Variants in RORA observed in about 807,000 individuals in gnomAD.
RORA encodes the protein nuclear receptor ROR-alpha.
Under a neutral mutation model 69.5 loss-of-function variants are expected in RORA, and 7 were observed. The observed-to-expected ratio is 0.10, with a 90% CI of 0.06 to 0.19. The LOEUF is 0.19. Among genes scored for constraint, RORA ranks in the 10% least tolerant of loss-of-function variants. RORA has a pLI of 1.00. For missense variants in RORA, 457 were observed against 663.0 expected, an observed-to-expected ratio of 0.69 and a Z score of 3.41; for synonymous variants, 261 against 240.8, an observed-to-expected ratio of 1.08 and a Z score of -0.78.
chr15:60,566,647 A>C (rs778720626), intron 2 of RORA, among the ~76,000 whole-genome samples: 2 of 152,230 alleles, frequency 1.3e-5, no homozygotes, highest in Non-Finnish European at 2.9e-5. Context: ...AGATCATAAT[A>C]ACAGAATATA....
intron 1 of RORA, among the ~76,000 whole-genome samples, chr15:61,191,552 A>G (rs2079800461): frequency 6.6e-6 from 1 of 152,190 alleles, no homozygotes; most frequent in South Asian, 2.1e-4. Context: ...CATTTTAGTC[A>G]AGCCCAGTGC....
At chr15:60,617,492 C>G (rs1232883310) in intron 2 of RORA, among the ~76,000 whole-genome samples, 1 of 152,128 alleles carries the variant, frequency 6.6e-6, no homozygotes, top group Non-Finnish European at 1.5e-5. Context: ...GGAGAACATC[C>G]TATCCATAGA....
chr15:60,749,760 G>A (rs2071697543), intron 1 of RORA, among the ~76,000 whole-genome samples: 1 of 152,128 alleles, frequency 6.6e-6, no homozygotes, highest in Non-Finnish European at 1.5e-5. Flanking sequence ...GGGTGCGGTG[G>A]CTCATACCTG....
intron 1 of RORA, among the ~76,000 whole-genome samples, chr15:60,748,776 G>A (rs1247549878): frequency 6.6e-6 from 1 of 152,162 alleles, no homozygotes; most frequent in Non-Finnish European, 1.5e-5. Context: ...TTGATAACGG[G>A]AAGTTGGGGT....
chr15:60,893,797 T>C (rs1446800395), intron 1 of RORA, among the ~76,000 whole-genome samples: 1 of 152,108 alleles, frequency 6.6e-6, no homozygotes, highest in African/African-American at 2.4e-5. Context: ...ATTTTAAAGC[T>C]GAAAGGATCT....
At position 61,213,355 on chromosome 15, in the gene RORA, A is replaced by C. The variant is rs554936053; in HGVS notation, c.166+15698T>G. Reference sequence around the variant, plus strand: ...ACTTGGTTCCTTGTCTCCCTCCCTAACTCCACATAAGTATATTTAAGTACC... The same window carrying C: ...ACTTGGTTCCTTGTCTCCCTCCCTACCTCCACATAAGTATATTTAAGTACC... On this transcript the variant is annotated intron_variant, in intron 1 of 10. Transcript: ENST00000335670. This position sits in a 1 kb window ranked among gnomAD's most constrained non-coding sequence, Gnocchi z 4.1. Among the ~76,000 whole-genome samples, 1 of 152,000 alleles carries C rather than the reference A, an allele frequency of 6.6e-6. No homozygotes were observed. The highest frequency in any genetic ancestry group is 2.4e-5 in the African/African-American group (1 of 41,456).
intron 1 of RORA, among the ~76,000 whole-genome samples, chr15:61,179,973 TA>T (rs965315089): frequency 2.2e-4 from 29 of 129,006 alleles, no homozygotes; most frequent in Admixed American, 3.1e-4. Context: ...CCGTTTCTAC[TA>T]AAAAAAAAAA....
Position 60,944,669 on chromosome 15 carries a change from G to A in RORA, c.167-265983C>T, listed in dbSNP as rs1378952287. Among the ~76,000 whole-genome samples the A allele has an allele frequency of 2.8e-5, 4 of 142,872 alleles. No homozygotes were observed. In the East Asian group the frequency reaches 8.3e-4, roughly 30 times the overall value. The allele number at this position is 142,872 out of a possible 152,430, so 93.7% of individuals were successfully genotyped here. ...GAGCAAAAGGGGCAGAGGTTGCAGT[G>A]AGCTGAGATCATACCACTGTACTCC... On this transcript the variant is annotated intron_variant, in intron 1 of 10. Coordinates refer to ENST00000335670, the MANE Select transcript of RORA (RefSeq NM_134261.3).
At chr15:61,012,304 T>C (rs564421671) in intron 1 of RORA, among the ~76,000 whole-genome samples, 19 of 152,348 alleles carry the variant, frequency 1.2e-4, no homozygotes, top group African/African-American at 4.6e-4. Context: ...TCCCAATTTG[T>C]TCCTATAGGG....
In RORA at chr15:60,501,083, A is replaced by C. The variant is rs369400526; in HGVS notation, c.1184-14T>G. ...AGTCTTCACAACCTGCCAAAATGAA[A>C]ACAAAGACAGTTTAGAATTTTGATT... On this transcript the variant is annotated splice_polypyrimidine_tract_variant and intron_variant, in intron 8 of 10. Transcript: ENST00000335670. The C allele has an allele frequency of 7.0e-7, 1 of 1,436,192 alleles. No individual in the cohort carries two copies. 89.0% of individuals were successfully genotyped at this position (1,436,192 alleles called of 1,614,324 possible). A position where few individuals can be genotyped will look rare whatever the true frequency, so the allele number is the denominator to read the frequency against.
chr15:60,495,958 C>T lies in RORA; in HGVS notation c.*1497G>A, dbSNP rs1354818936. ...TCTAAATATTTAATAAAATAAATTACAGTCCACAGTTTCCTAGTGAAGATA... is the reference window on the plus strand; with the variant it reads ...TCTAAATATTTAATAAAATAAATTATAGTCCACAGTTTCCTAGTGAAGATA... On this transcript the variant is annotated 3_prime_UTR_variant, in exon 11 of 11. Coordinates refer to ENST00000335670, the MANE Select transcript of RORA (RefSeq NM_134261.3). The T allele has an allele frequency of 6.6e-6, 1 of 151,420 alleles. No individual in the cohort carries two copies. The highest frequency in any genetic ancestry group is 1.5e-5 in the Non-Finnish European group (1 of 67,940). 9.4% of individuals were successfully genotyped at this position (151,420 alleles called of 1,614,324 possible). A position where few individuals can be genotyped will look rare whatever the true frequency, so the allele number is the denominator to read the frequency against.
chr15:60,638,700 T>C (rs1402080265), intron 2 of RORA, among the ~76,000 whole-genome samples: 1 of 152,218 alleles, frequency 6.6e-6, no homozygotes, highest in Non-Finnish European at 1.5e-5. Context: ...AACTGCTATT[T>C]CTAAAGCTAA....
intron 1 of RORA, among the ~76,000 whole-genome samples, chr15:61,169,028 A>G (rs1217840318): frequency 6.6e-6 from 1 of 152,088 alleles, no homozygotes; most frequent in East Asian, 1.9e-4. Context: ...CTGTGCCTCC[A>G]TCCTGCTGGA....
At chr15:60,581,349 C>G (rs145842423) in intron 2 of RORA, among the ~76,000 whole-genome samples, 86 of 152,268 alleles carry the variant, frequency 5.6e-4, no homozygotes, top group African/African-American at 1.9e-3. Flanking sequence ...TTCTGTTTTA[C>G]GAGATTTTGC....
chr15:61,008,424 G>C (rs1183035569), intron 1 of RORA, among the ~76,000 whole-genome samples: 1 of 152,082 alleles, frequency 6.6e-6, no homozygotes, highest in Non-Finnish European at 1.5e-5. Flanking sequence ...AGGTATATCA[G>C]CTGGGTCTCT....
At chr15:60,538,907 A>G (rs1050424766) in intron 2 of RORA, among the ~76,000 whole-genome samples, 1 of 152,126 alleles carries the variant, frequency 6.6e-6, no homozygotes, top group Non-Finnish European at 1.5e-5. Flanking sequence ...CCACTTCTCA[A>G]AAACTTCAAC....
intron 1 of RORA, among the ~76,000 whole-genome samples, chr15:60,987,469 A>G (rs6494241): frequency 0.2 from 30,222 of 152,222 alleles, 3,528 homozygotes; most frequent in Non-Finnish European, 0.26. Flanking sequence ...ATTCTTTATC[A>G]TAAAATTCTG....
rs970237147 is a variant in RORA at position 60,592,878 on chromosome 15, C to A, written c.197-61027G>T. 7 of 459,594 alleles carry A rather than the reference C, an allele frequency of 1.5e-5. No homozygotes were observed. In the Admixed American group the frequency reaches 1.6e-4, roughly 11 times the overall value. 28.5% of individuals were successfully genotyped at this position (459,594 alleles called of 1,614,324 possible). On this transcript the variant is annotated intron_variant, in intron 2 of 10. Coordinates refer to ENST00000335670, the MANE Select transcript of RORA (RefSeq NM_134261.3). ...CGCCTCTGACCACTTTCTGCCCCCA[C>A]TCGGTGGGGCAAGAGGCTCGCAACC...
chr15:61,007,876 G>C (rs1894961231), intron 1 of RORA, among the ~76,000 whole-genome samples: 1 of 147,880 alleles, frequency 6.8e-6, no homozygotes, highest in Non-Finnish European at 1.5e-5. Flanking sequence ...ATAACATTAG[G>C]ATAAAATTAG....
Sources: gnomAD v4.1 joint callset for allele counts (sites outside exome capture counted in the v4.1 genomes callset) on GRCh38, gnomAD v4.1.1 for gene constraint, Gnocchi (gnomAD v3.1) non-coding constraint, MANE v1.5 for transcripts, NCBI Gene and HGNC (gene_info 2026-07-23, HGNC 2026-07-21) for gene names.